Variants in KIF6 observed in about 807,000 individuals in gnomAD.
KIF6 encodes the protein kinesin-like protein KIF6.
A neutral mutation model predicts 112.7 loss-of-function variants in KIF6; 106 were observed. The observed-to-expected ratio is 0.94, with a 90% confidence interval of 0.80 to 1.11. KIF6 has a LOEUF of 1.11. Ranked by LOEUF, KIF6 falls within the 50% of genes least tolerant of loss-of-function variation. KIF6 has a pLI of 0.00. For missense variants in KIF6, 929 were observed against 964.0 expected, an observed-to-expected ratio of 0.96 and a Z score of 0.48; for synonymous variants, 339 against 339.9, an observed-to-expected ratio of 1.00 and a Z score of 0.03.
intron 22 of KIF6, 144 bp from the exon 23 acceptor site, chr6:39,336,692 C>T: frequency 1.4e-6 from 1 of 725,992 alleles, no homozygotes; most frequent in Non-Finnish European, 2.5e-6. Context: ...CCAGGAGCTG[C>T]ATTTATACCC....
intron 10 of KIF6, among the ~76,000 whole-genome samples, chr6:39,560,167 GCT>G (rs930176685): frequency 1.3e-5 from 2 of 152,162 alleles, no homozygotes; most frequent in African/African-American, 2.4e-5. Flanking sequence ...CTCAACAACT[GCT>G]CTTAGTCATT....
chr6:39,675,519 A>T (rs945328874), intron 3 of KIF6, among the ~76,000 whole-genome samples: 4 of 152,144 alleles, frequency 2.6e-5, no homozygotes, highest in South Asian at 2.1e-4. Context: ...CTCTATAGTG[A>T]TGTGCCCATA....
chr6:39,469,536 CAA>C (rs900358783), intron 13 of KIF6, among the ~76,000 whole-genome samples: 1 of 150,438 alleles, frequency 6.6e-6, no homozygotes, highest in African/African-American at 2.4e-5. Flanking sequence ...GACTTTAAAA[CAA>C]AAAAAAATGT....
At chr6:39,600,558 T>C (rs1475775747) in intron 6 of KIF6, among the ~76,000 whole-genome samples, 3 of 152,190 alleles carry the variant, frequency 2.0e-5, no homozygotes, top group South Asian at 2.1e-4. Context: ...ATGCTAGCCA[T>C]TCCCTCATTC....
chr6:39,563,757 G>T (rs1029868797), intron 10 of KIF6, among the ~76,000 whole-genome samples: 2 of 152,142 alleles, frequency 1.3e-5, no homozygotes, highest in Non-Finnish European at 2.9e-5. Context: ...CAAAGGACTT[G>T]CCCCAGGCCT....
intron 13 of KIF6, among the ~76,000 whole-genome samples, chr6:39,466,638 C>T (rs1773803165): frequency 6.6e-6 from 1 of 151,898 alleles, no homozygotes; most frequent in South Asian, 2.1e-4. Context: ...TAAATTAGAA[C>T]ATGAAGCTTC....
chr6:39,516,469 C>A (rs1777092798), intron 13 of KIF6, among the ~76,000 whole-genome samples: 1 of 146,802 alleles, frequency 6.8e-6, no homozygotes, highest in Non-Finnish European at 1.5e-5. Flanking sequence ...TATATAAATA[C>A]AAATAAAATA....
At position 39,360,435 on chromosome 6, in the gene KIF6, T is replaced by C; in HGVS notation, c.2042A>G (p.Glu681Gly). Residue 681 changes from glutamate to glycine, a missense_variant, in exon 18 of 23, where the codon GAG (glutamate) becomes GGG (glycine). By Grantham distance (98) the Glu-to-Gly change is moderately conservative. Coordinates refer to ENST00000287152, the MANE Select transcript of KIF6 (RefSeq NM_145027.6). ...MDKAKVKLQK[E>G]FEVWWAEEAT... ...CTCCTCTGCCCACCAGACTTCAAACTCTTTCTGTAGCTTCACCTTGGCTTT... is the reference window on the plus strand; with the variant it reads ...CTCCTCTGCCCACCAGACTTCAAACCCTTTCTGTAGCTTCACCTTGGCTTT... The C allele has an allele frequency of 6.2e-7, 1 of 1,614,158 alleles. No homozygotes were observed. Among genetic ancestry groups the C allele is most frequent in the Non-Finnish European group, 8.5e-7 (1 of 1,180,022 alleles).
chr6:39,447,987 G>C (rs921887849), intron 13 of KIF6, among the ~76,000 whole-genome samples: 1 of 152,076 alleles, frequency 6.6e-6, no homozygotes, highest in Non-Finnish European at 1.5e-5. Context: ...GGCTGTGAGC[G>C]GCAGTGATAC....
At chr6:39,521,246 CTGTT>C (rs1777383147) in intron 13 of KIF6, among the ~76,000 whole-genome samples, 1 of 152,146 alleles carries the variant, frequency 6.6e-6, no homozygotes, top group Non-Finnish European at 1.5e-5. Flanking sequence ...ATTCTCAGCT[CTGTT>C]TGACCCAAAT....
At chr6:39,572,780 C>A (rs1481497374) in intron 10 of KIF6, among the ~76,000 whole-genome samples, 1 of 149,092 alleles carries the variant, frequency 6.7e-6, no homozygotes, top group Non-Finnish European at 1.5e-5. Context: ...CAGCCTTTAT[C>A]CAGCTGTCTC....
intron 15 of KIF6, among the ~76,000 whole-genome samples, chr6:39,407,159 T>C (rs1769152333): frequency 6.6e-6 from 1 of 152,168 alleles, no homozygotes; most frequent in Non-Finnish European, 1.5e-5. Context: ...ACAATCAGCC[T>C]GATTAGGTTC....
intron 13 of KIF6, among the ~76,000 whole-genome samples, chr6:39,500,612 C>T (rs999905863): frequency 1.3e-5 from 2 of 152,176 alleles, no homozygotes; most frequent in African/African-American, 4.8e-5. Flanking sequence ...TGGGTTCTCT[C>T]ATCTACAAAA....
At chr6:39,412,471 G>C (rs1297641637) in intron 15 of KIF6, among the ~76,000 whole-genome samples, 1 of 152,166 alleles carries the variant, frequency 6.6e-6, no homozygotes, top group African/African-American at 2.4e-5. Context: ...TCTTTCACGT[G>C]ATCAAATACA....
At chr6:39,521,655 C>T (rs1351258006) in intron 13 of KIF6, among the ~76,000 whole-genome samples, 1 of 152,130 alleles carries the variant, frequency 6.6e-6, no homozygotes, top group Non-Finnish European at 1.5e-5. Flanking sequence ...CTGGGCAGTA[C>T]CTTGGTTCCA....
rs1267100068 is a variant in KIF6, at chr6:39,342,216, G to C, written c.2428+1493C>G. On this transcript the variant is annotated intron_variant, in intron 22 of 22. Coordinates refer to ENST00000287152, the MANE Select transcript of KIF6 (RefSeq NM_145027.6). The surrounding 1 kb of genome is among the most constrained non-coding windows in gnomAD (Gnocchi z 4.7). ...GTAGCTGCTCCATTCTCATGATGCA[G>C]CTGTCAGTTTAAAGTTATCTTCTCC... Among the ~76,000 whole-genome samples the C allele has an allele frequency of 6.6e-6, 1 of 152,218 alleles. No homozygotes were observed. Among genetic ancestry groups the C allele is most frequent in the African/African-American group, 2.4e-5 (1 of 41,446 alleles).
At chr6:39,541,073 G>T (rs1466774315) in intron 12 of KIF6, among the ~76,000 whole-genome samples, 1 of 152,188 alleles carries the variant, frequency 6.6e-6, no homozygotes, top group African/African-American at 2.4e-5. Context: ...CAATGCCTTT[G>T]CATCGCTAGA....
At chr6:39,393,378 C>T (rs80323168) in intron 15 of KIF6, among the ~76,000 whole-genome samples, 4,606 of 152,198 alleles carry the variant, frequency 0.03, 86 homozygotes, top group Non-Finnish European at 0.041. Context: ...TCAGTTTTGA[C>T]ATCTGAAAAA....
intron 6 of KIF6, among the ~76,000 whole-genome samples, chr6:39,608,565 C>G (rs973659194): frequency 1.3e-5 from 2 of 152,118 alleles, no homozygotes; most frequent in Non-Finnish European, 2.9e-5. Context: ...TGGGGAGTGT[C>G]TGTATGTCTT....
Sources: gnomAD v4.1 joint callset for allele counts (sites outside exome capture counted in the v4.1 genomes callset) on GRCh38, gnomAD v4.1.1 for gene constraint, Gnocchi (gnomAD v3.1) non-coding constraint, MANE v1.5 for transcripts, NCBI Gene and HGNC (gene_info 2026-07-23, HGNC 2026-07-21) for gene names.